NSD2: variants seen among roughly 807,000 people sequenced by gnomAD.
NSD2 encodes the protein nuclear receptor binding SET domain protein 2.
In NSD2, 12 loss-of-function variants were observed where a neutral mutation model predicts 139.0. That is an observed-to-expected ratio of 0.09 (90% CI 0.06 to 0.14). The LOEUF is 0.14. Among genes scored for constraint, NSD2 ranks in the 10% least tolerant of loss-of-function variants. NSD2 has a pLI of 1.00. For synonymous variants in NSD2, 669 were observed against 648.7 expected (o/e 1.03, Z -0.48); for missense variants, 1,155 against 1,745.0 (o/e 0.66, Z 6.02).
intron 1 of NSD2, among the ~76,000 whole-genome samples, chr4:1,897,822 T>G (rs1486404994): frequency 2.6e-5 from 4 of 152,076 alleles, no homozygotes; most frequent in African/African-American, 4.8e-5. Flanking sequence ...AGTTGTGGTT[T>G]CACCATGTTG....
At chr4:1,939,912 C>A in intron 9 of NSD2, 134 bp downstream of exon 9, 1 of 1,532,630 alleles carries the variant, frequency 6.5e-7, no homozygotes, top group Non-Finnish European at 8.7e-7. Context: ...TGTTTTAGGG[C>A]CTCTTGGCTA....
rs187815837 is a variant in NSD2 at position 1,907,303 on chromosome 4, A to G, written c.760+2925A>G. Among the ~76,000 whole-genome samples the G allele has an allele frequency of 3.1e-3, 477 of 152,226 alleles. 1 individual carries two copies. The highest frequency in any genetic ancestry group is 0.011 in the African/African-American group (461 of 41,528). ...AACTCCCATTCCCCTGGTTTCTTCT[A>G]TAGCTGCTTCCTGAAAACCTTCATG... On this transcript the variant is annotated intron_variant, in intron 3 of 21. Transcript: ENST00000508803.
At chr4:1,914,837 C>G (rs1424189677) in intron 3 of NSD2, among the ~76,000 whole-genome samples, 1 of 152,172 alleles carries the variant, frequency 6.6e-6, no homozygotes, top group Non-Finnish European at 1.5e-5. Context: ...GCTGGCCTTT[C>G]ACCCAACCCC....
intron 2 of NSD2, among the ~76,000 whole-genome samples, chr4:1,902,835 A>G (rs1017123518): frequency 3.3e-5 from 5 of 152,186 alleles, no homozygotes; most frequent in Admixed American, 6.5e-5. Flanking sequence ...AGTGGGGTCA[A>G]TAAATGTAAA....
intron 9 of NSD2, chr4:1,941,890 A>T: frequency 9.4e-7 from 1 of 1,064,520 alleles, no homozygotes; most frequent in Non-Finnish European, 1.1e-6. Context: ...GCCTGTTAGC[A>T]TATGAGGCAA....
At chr4:1,940,728 T>C (rs1723002181) in intron 9 of NSD2, 1 of 1,060,650 alleles carries the variant, frequency 9.4e-7, no homozygotes, top group African/African-American at 1.6e-5. Flanking sequence ...TCTTGCTGAG[T>C]CAGAAGGCGG....
chr4:1,978,563 T>A (rs371610028), intron 21 of NSD2, 75 bp from the exon 22 acceptor site: 16 of 1,536,692 alleles, frequency 1.0e-5, no homozygotes, highest in Non-Finnish European at 1.4e-5. Context: ...CAGTTGTAAG[T>A]CATCTTCAAC....
chr4:1,923,446 A>G (rs149890243), intron 5 of NSD2, among the ~76,000 whole-genome samples: 21 of 152,320 alleles, frequency 1.4e-4, no homozygotes, highest in African/African-American at 5.1e-4. Context: ...CAGTAAGTGC[A>G]TGAAGAGATG....
intron 18 of NSD2, among the ~76,000 whole-genome samples, chr4:1,968,947 A>G (rs909635484): frequency 7.2e-5 from 11 of 152,276 alleles, no homozygotes; most frequent in African/African-American, 2.7e-4. Flanking sequence ...GCTCACTTCC[A>G]GAACAAAAAA....
Position 1,903,732 on chromosome 4 carries a change from A to ATTT in NSD2, c.598-466_598-464dup, listed in dbSNP as rs1219690096. 3.9e-3 allele frequency among the ~76,000 whole-genome samples: 534 copies of ATTT among 136,604 alleles called. 7 individuals are homozygous for ATTT. The highest frequency in any genetic ancestry group is 0.014 in the African/African-American group (512 of 35,606). 89.6% of individuals were successfully genotyped at this position (136,604 alleles called of 152,430 possible). The stretch of plus-strand genomic sequence containing the variant: ...TCCTTTAGCTGAGAGTGAGAGAGAA[A>ATTT]TTTTTTTTTTTTTTTTTTTTGAGAT... On this transcript the variant is annotated intron_variant, in intron 2 of 21. Transcript: ENST00000508803.
chr4:1,979,082 G>A lies in NSD2; in HGVS notation c.*173G>A, dbSNP rs1440271391. On this transcript the variant is annotated 3_prime_UTR_variant, in exon 22 of 22. Transcript: ENST00000508803. ...CCACCACTGAGCCATCCTCAGCAGC[G>A]TCCGCTGCGTCTGCACTGATGACCG... 1.2e-5 allele frequency: 9 copies of A among 757,768 alleles called. No homozygotes were observed. Among genetic ancestry groups the A allele is most frequent in the East Asian group, 8.9e-5 (3 of 33,788 alleles). The allele number at this position is 757,768 out of a possible 1,614,324, so 46.9% of individuals were successfully genotyped here. A position where few individuals can be genotyped will look rare whatever the true frequency, so the allele number is the denominator to read the frequency against.
chr4:1,964,238 C>A (rs771445145), intron 18 of NSD2, among the ~76,000 whole-genome samples: 1 of 152,100 alleles, frequency 6.6e-6, no homozygotes, highest in Admixed American at 6.5e-5. Flanking sequence ...CAGACAAATA[C>A]GAACAAACAG....
chr4:1,946,534 G>C, intron 9 of NSD2: 1 of 1,007,888 alleles, frequency 9.9e-7, no homozygotes, highest in Non-Finnish European at 1.2e-6. Context: ...CTCCCAAAAT[G>C]CTGGGATTAC....
chr4:1,891,750 G>A (rs1272675192), intron 1 of NSD2, among the ~76,000 whole-genome samples: 2 of 151,470 alleles, frequency 1.3e-5, no homozygotes, highest in African/African-American at 2.4e-5. Flanking sequence ...CCAGCTACTC[G>A]GCAGGCTGAG....
At chr4:1,929,136 T>C (rs1577467403) in intron 5 of NSD2, among the ~76,000 whole-genome samples, 2 of 151,588 alleles carry the variant, frequency 1.3e-5, no homozygotes, top group South Asian at 2.1e-4. Context: ...CATTGGTGGG[T>C]GTTGGTGTCC....
chr4:1,943,850 G>GATTTC, intron 9 of NSD2: 1 of 1,063,144 alleles, frequency 9.4e-7, no homozygotes, highest in Non-Finnish European at 1.1e-6. Flanking sequence ...AAAATGAAGG[G>GATTTC]ATTTCATTTG....
rs76729008 is a variant in NSD2, at chr4:1,947,844, T to C, written c.1882-3228T>C. The C allele has an allele frequency of 6.2e-3, 6,472 of 1,050,970 alleles. 116 individuals are homozygous for C. The highest frequency in any genetic ancestry group is 0.057 in the African/African-American group (3,435 of 60,336). The allele number at this position is 1,050,970 out of a possible 1,614,324, so 65.1% of individuals were successfully genotyped here. On this transcript the variant is annotated intron_variant, in intron 9 of 21. Coordinates refer to ENST00000508803, the MANE Select transcript of NSD2 (RefSeq NM_001042424.3). ...TATTCAAGTTGTGAAGGGATTTGTT[T>C]TGTCAAAAAATTAAAAACTCAATGT...
chr4:1,966,654 C>T (rs1725920434), intron 18 of NSD2, among the ~76,000 whole-genome samples: 1 of 135,960 alleles, frequency 7.4e-6, no homozygotes, highest in Non-Finnish European at 1.6e-5. Flanking sequence ...AAGACTCTGT[C>T]TCAAAAAAAA....
At chr4:1,897,936 C>G (rs1361029432) in intron 1 of NSD2, among the ~76,000 whole-genome samples, 1 of 152,148 alleles carries the variant, frequency 6.6e-6, no homozygotes, top group Non-Finnish European at 1.5e-5. Context: ...TGCTGAACTT[C>G]TTGAATCTGT....
Sources: allele counts gnomAD v4.1 joint callset (sites outside exome capture counted in the v4.1 genomes callset), GRCh38; gene constraint gnomAD v4.1.1; transcripts MANE v1.5; gene names NCBI Gene and HGNC (gene_info 2026-07-23, HGNC 2026-07-21).